The following NCKAP5 variants were observed in gnomAD, a reference collection of about 807,000 sequenced individuals.
NCKAP5 encodes nck-associated protein 5.
In NCKAP5, 92 loss-of-function variants were observed where a neutral mutation model predicts 167.0. The observed-to-expected ratio is 0.55, with a 90% CI of 0.47 to 0.66. The LOEUF (loss-of-function observed/expected upper bound fraction) is 0.66. Among genes scored for constraint, NCKAP5 ranks in the 30% least tolerant of loss-of-function variants. The pLI is 0.00. For missense variants in NCKAP5, 2,378 were observed against 2,315.0 expected (o/e 1.03, Z -0.56); for synonymous variants, 891 against 877.4 (o/e 1.02, Z -0.27).
chr2:133,659,467 C>T, the NCKAP5 span, among the ~76,000 whole-genome samples: 6 of 152,014 alleles, frequency 3.9e-5, no homozygotes, highest in Non-Finnish European at 2.9e-5. Context: ...ATAACAAAAA[C>T]ACAAGCAACA....
intron 7 of NCKAP5, among the ~76,000 whole-genome samples, chr2:132,987,043 G>A (rs565857667): frequency 6.6e-6 from 1 of 152,294 alleles, no homozygotes; most frequent in African/African-American, 2.4e-5. Context: ...GAGGTTGCTA[G>A]GCGGAGGGTG....
At chr2:133,435,378 T>C (rs928632033) in intron 3 of NCKAP5, among the ~76,000 whole-genome samples, 3 of 152,216 alleles carry the variant, frequency 2.0e-5, no homozygotes, top group African/African-American at 7.2e-5. Context: ...GAAATGCAGT[T>C]CTTGTTGCTG....
At chr2:133,263,105 C>A (rs1022141627) in intron 4 of NCKAP5, among the ~76,000 whole-genome samples, 9 of 151,930 alleles carry the variant, frequency 5.9e-5, no homozygotes, top group Non-Finnish European at 8.8e-5. Context: ...CCCCACTATG[C>A]CCAATCTAAC....
intron 11 of NCKAP5, among the ~76,000 whole-genome samples, chr2:132,854,287 G>GA (rs916591238): frequency 5.6e-4 from 85 of 151,742 alleles, no homozygotes; most frequent in African/African-American, 1.9e-3. Flanking sequence ...CTTGTTCAAA[G>GA]AAAAAAAACA....
Position 132,830,996 on chromosome 2 carries a change from A to G in NCKAP5, c.807+29496T>C, listed in dbSNP as rs1037445057. Among the ~76,000 whole-genome samples, 5 of 152,210 alleles carry G rather than the reference A, an allele frequency of 3.3e-5. No homozygotes were observed. In the East Asian group the frequency reaches 7.7e-4, roughly 23 times the overall value. Reference sequence around the variant, plus strand: ...GATCCTTCCAGAACACTTCCAATGTATGCAAATTTGCTAACACATATTTAG... The same window carrying G: ...GATCCTTCCAGAACACTTCCAATGTGTGCAAATTTGCTAACACATATTTAG... On this transcript the variant is annotated intron_variant, in intron 11 of 19. Transcript: ENST00000409261.
chr2:132,822,414 G>A (rs1686816880), intron 11 of NCKAP5, among the ~76,000 whole-genome samples: 1 of 152,172 alleles, frequency 6.6e-6, no homozygotes, highest in South Asian at 2.1e-4. Flanking sequence ...CACCAGCCTG[G>A]AGCCTGATAG....
At chr2:133,137,556 G>C (rs2149823125) in intron 5 of NCKAP5, among the ~76,000 whole-genome samples, 1 of 152,008 alleles carries the variant, frequency 6.6e-6, no homozygotes, top group South Asian at 2.1e-4. Flanking sequence ...TGGGCACTTG[G>C]ATGGATCTTA....
chr2:133,123,565 C>G, intron 6 of NCKAP5: 1 of 258,136 alleles, frequency 3.9e-6, no homozygotes, highest in Non-Finnish European at 8.1e-6. Flanking sequence ...TATGAAAAGT[C>G]TCAGGCAGAA....
chr2:133,055,943 C>T (rs972940186), intron 6 of NCKAP5, among the ~76,000 whole-genome samples: 1 of 152,088 alleles, frequency 6.6e-6, no homozygotes, highest in East Asian at 1.9e-4. Context: ...ACAATAAATG[C>T]TTTCTTCTTA....
chr2:132,820,087 C>T (rs1158999189), intron 11 of NCKAP5, among the ~76,000 whole-genome samples: 1 of 152,048 alleles, frequency 6.6e-6, no homozygotes, highest in East Asian at 1.9e-4. Context: ...TTCCCAAAAA[C>T]CTAGAAAACC....
chr2:132,870,266 A>G (rs1327301820), intron 9 of NCKAP5, among the ~76,000 whole-genome samples: 6 of 152,182 alleles, frequency 3.9e-5, no homozygotes, highest in African/African-American at 1.4e-4. Context: ...TCACCTACTA[A>G]ACTTCACTAT....
At chr2:133,534,860 G>A (rs141057994) in intron 2 of NCKAP5, among the ~76,000 whole-genome samples, 9 of 152,058 alleles carry the variant, frequency 5.9e-5, no homozygotes, top group African/African-American at 1.9e-4. Flanking sequence ...AGAAATTGCC[G>A]GATCAAATGG....
chr2:133,664,641 A>G, the NCKAP5 span, among the ~76,000 whole-genome samples: 1 of 152,190 alleles, frequency 6.6e-6, no homozygotes, highest in Non-Finnish European at 1.5e-5. Flanking sequence ...CTGGGATTAC[A>G]GGCGCACACC....
chr2:133,406,491 T>A (rs1688438500), intron 3 of NCKAP5, among the ~76,000 whole-genome samples: 1 of 151,882 alleles, frequency 6.6e-6, no homozygotes. Context: ...ATCCTCCCCC[T>A]TTTTACAGTT....
chr2:133,376,689 A>G (rs1413743930), intron 3 of NCKAP5, among the ~76,000 whole-genome samples: 1 of 152,190 alleles, frequency 6.6e-6, no homozygotes, highest in Non-Finnish European at 1.5e-5. Flanking sequence ...CCTGTCTACA[A>G]AATAAAATGG....
intron 7 of NCKAP5, among the ~76,000 whole-genome samples, 181 bp downstream of exon 7, chr2:132,993,971 T>C (rs1006330334): frequency 1.3e-5 from 2 of 152,258 alleles, no homozygotes; most frequent in Non-Finnish European, 2.9e-5. Flanking sequence ...TAGGAGTTTA[T>C]GAAATGAATG....
At chr2:133,633,997 C>G in the NCKAP5 span, among the ~76,000 whole-genome samples, 1 of 152,188 alleles carries the variant, frequency 6.6e-6, no homozygotes, top group Non-Finnish European at 1.5e-5. Flanking sequence ...CAAATAGAAA[C>G]TCTTATCTGG....
the NCKAP5 span, among the ~76,000 whole-genome samples, chr2:133,673,062 C>G: frequency 6.6e-6 from 1 of 152,156 alleles, no homozygotes; most frequent in Non-Finnish European, 1.5e-5. Context: ...CTGCATCCCC[C>G]AAAATGATGA....
At chr2:132,748,813 T>A (rs1679867005) in intron 16 of NCKAP5, among the ~76,000 whole-genome samples, 1 of 152,068 alleles carries the variant, frequency 6.6e-6, no homozygotes, top group Non-Finnish European at 1.5e-5. Context: ...AGACGGATTC[T>A]CACTCTGTCA....
Sources: allele counts gnomAD v4.1 joint callset (sites outside exome capture counted in the v4.1 genomes callset), GRCh38; gene constraint gnomAD v4.1.1; transcripts MANE v1.5; gene names NCBI Gene and HGNC (gene_info 2026-07-23, HGNC 2026-07-21).